FSTL4: variants seen among roughly 807,000 people sequenced by gnomAD.
FSTL4 encodes follistatin-related protein 4.
A neutral mutation model predicts 78.2 loss-of-function variants in FSTL4; 28 were observed. The ratio of observed to expected loss-of-function variants is 0.36; its 90% CI spans 0.27 to 0.49. The LOEUF (loss-of-function observed/expected upper bound fraction) is 0.49. Ranked by LOEUF, FSTL4 falls within the 20% of genes least tolerant of loss-of-function variation. FSTL4 has a pLI of 0.98. For missense variants in FSTL4, 922 were observed against 1,084.9 expected (o/e 0.85, Z 2.11); for synonymous variants, 422 against 440.5 (o/e 0.96, Z 0.53).
At chr5:133,678,965 G>A in the FSTL4 span, among the ~76,000 whole-genome samples, 2 of 152,132 alleles carry the variant, frequency 1.3e-5, no homozygotes, top group Non-Finnish European at 2.9e-5. Context: ...CATTGCTGTC[G>A]ATCAGGGATC....
chr5:133,540,717 A>G (rs1759448083), intron 3 of FSTL4, among the ~76,000 whole-genome samples: 1 of 135,200 alleles, frequency 7.4e-6, no homozygotes, highest in Non-Finnish European at 1.6e-5. Context: ...GTTTTAACAT[A>G]GGCAAAAAAA....
chr5:133,710,137 C>T, the FSTL4 span, among the ~76,000 whole-genome samples: 2,314 of 152,246 alleles, frequency 0.015, 55 homozygotes, highest in African/African-American at 0.05. Flanking sequence ...CTTCTCTCTG[C>T]CCTGGACATG....
the FSTL4 span, among the ~76,000 whole-genome samples, chr5:133,749,322 C>G: frequency 4.5e-3 from 691 of 152,286 alleles, 7 homozygotes; most frequent in Middle Eastern, 0.017. Flanking sequence ...TCTGAGTGAC[C>G]AGGCTTCACT....
At chr5:133,525,886 A>G (rs1759087093) in intron 3 of FSTL4, among the ~76,000 whole-genome samples, 4 of 152,206 alleles carry the variant, frequency 2.6e-5, no homozygotes, top group Admixed American at 2.6e-4. Context: ...GGAACTGTCA[A>G]TATTCTCCTA....
intron 3 of FSTL4, among the ~76,000 whole-genome samples, chr5:133,428,423 T>C (rs975938404): frequency 2.0e-5 from 3 of 152,114 alleles, no homozygotes; most frequent in Admixed American, 1.3e-4. Flanking sequence ...GCCCAGGGCC[T>C]TGCTTGACAT....
At chr5:133,708,666 G>A in the FSTL4 span, among the ~76,000 whole-genome samples, 1 of 152,216 alleles carries the variant, frequency 6.6e-6, no homozygotes, top group East Asian at 1.9e-4. Context: ...AGAGCCAAAG[G>A]AGCTGCAACT....
At chr5:133,833,540 A>G in the FSTL4 span, among the ~76,000 whole-genome samples, 1 of 152,254 alleles carries the variant, frequency 6.6e-6, no homozygotes, top group Admixed American at 6.5e-5. Context: ...TCTCAAGGGT[A>G]TTTACATTCA....
At chr5:133,558,594 T>A (rs1397044712) in intron 3 of FSTL4, among the ~76,000 whole-genome samples, 1 of 152,088 alleles carries the variant, frequency 6.6e-6, no homozygotes, top group Non-Finnish European at 1.5e-5. Context: ...TCCTGGAGAG[T>A]TCAAAGCAAC....
At chr5:133,578,357 G>A (rs1760329428) in intron 2 of FSTL4, among the ~76,000 whole-genome samples, 1 of 152,208 alleles carries the variant, frequency 6.6e-6, no homozygotes, top group East Asian at 1.9e-4. Context: ...AAGCCACCCG[G>A]ATACTTCCCA....
At chr5:133,536,666 C>T (rs1006938397) in intron 3 of FSTL4, among the ~76,000 whole-genome samples, 1 of 151,858 alleles carries the variant, frequency 6.6e-6, no homozygotes, top group African/African-American at 2.4e-5. Flanking sequence ...AATAATTTTA[C>T]TTGTTTTTGT....
intron 3 of FSTL4, among the ~76,000 whole-genome samples, chr5:133,517,441 A>ATATATATAT (rs1241999793): frequency 6.6e-5 from 2 of 30,118 alleles, no homozygotes; most frequent in Non-Finnish European, 1.3e-4. Context: ...AAAAAAAAAA[A>ATATATATAT]AAAAAAATAT....
At chr5:133,606,627 A>G (rs1373753302) in intron 1 of FSTL4, among the ~76,000 whole-genome samples, 1 of 152,234 alleles carries the variant, frequency 6.6e-6, no homozygotes, top group Non-Finnish European at 1.5e-5. Context: ...CTTATCTACT[A>G]TCAAACATTG....
the FSTL4 span, among the ~76,000 whole-genome samples, chr5:133,656,478 C>A: frequency 1.3e-5 from 2 of 152,114 alleles, no homozygotes; most frequent in African/African-American, 4.8e-5. Flanking sequence ...CAGGTTCTGG[C>A]AGGTGGGAGT....
chr5:133,784,375 C>T, the FSTL4 span, among the ~76,000 whole-genome samples: 1 of 152,138 alleles, frequency 6.6e-6, no homozygotes, highest in Admixed American at 6.5e-5. Flanking sequence ...CAAACTCCAC[C>T]CTCTAAAAGG....
Position 133,217,380 on chromosome 5 carries a change from TGC to T in FSTL4, c.1459-4_1459-3del, listed in dbSNP as rs1750944241. 2 of 1,613,974 alleles carry T rather than the reference TGC, an allele frequency of 1.2e-6. No homozygotes were observed. Among genetic ancestry groups the T allele is most frequent in the Middle Eastern group, 1.7e-4 (1 of 6,060 alleles). Reference sequence around the variant, plus strand: ...TTCTCTTTGAGGACAGATTTCTTCCTGCAAAGGAGATAGGCTGTCATATATCT... The same window carrying T: ...TTCTCTTTGAGGACAGATTTCTTCCTAAAGGAGATAGGCTGTCATATATCT... On this transcript the variant is annotated splice_region_variant and splice_polypyrimidine_tract_variant and intron_variant, in intron 12 of 15. Coordinates refer to ENST00000265342, the MANE Select transcript of FSTL4 (RefSeq NM_015082.2).
At chr5:133,623,617 A>G in the FSTL4 span, among the ~76,000 whole-genome samples, 1 of 152,116 alleles carries the variant, frequency 6.6e-6, no homozygotes, top group South Asian at 2.1e-4. Context: ...TAACACAAAA[A>G]GCATGAGTAA....
intron 4 of FSTL4, among the ~76,000 whole-genome samples, chr5:133,397,129 G>A (rs955595024): frequency 6.6e-6 from 1 of 152,228 alleles, no homozygotes; most frequent in Non-Finnish European, 1.5e-5. Flanking sequence ...AACAGCGTAG[G>A]AGATAAAGCG....
chr5:133,333,031 C>T (rs1389803363), intron 4 of FSTL4, among the ~76,000 whole-genome samples: 1 of 152,152 alleles, frequency 6.6e-6, no homozygotes, highest in African/African-American at 2.4e-5. Context: ...CTGTCTCTCT[C>T]TCATGCACAC....
chr5:133,242,619 CAG>C (rs1489758298), intron 7 of FSTL4, among the ~76,000 whole-genome samples: 3 of 152,142 alleles, frequency 2.0e-5, no homozygotes, highest in African/African-American at 7.2e-5. Context: ...CTTGGCAGGG[CAG>C]AGTCACCCCA....
Sources: allele counts gnomAD v4.1 joint callset (sites outside exome capture counted in the v4.1 genomes callset), GRCh38; gene constraint gnomAD v4.1.1; transcripts MANE v1.5; gene names NCBI Gene and HGNC (gene_info 2026-07-23, HGNC 2026-07-21).